Variants in DSCAM observed in about 807,000 individuals in gnomAD.
DSCAM encodes cell adhesion molecule DSCAM.
In DSCAM, 47 loss-of-function variants were observed where a neutral mutation model predicts 217.7. That is an observed-to-expected ratio of 0.22 (90% CI 0.17 to 0.28). The LOEUF (loss-of-function observed/expected upper bound fraction) is 0.28. Ranked by LOEUF, DSCAM falls within the 10% of genes least tolerant of loss-of-function variation. The probability of loss-of-function intolerance (pLI) is 1.00; values close to 1 mark genes in which losing one functional copy is unlikely to be tolerated. For missense variants in DSCAM, 2,080 were observed against 2,618.3 expected (o/e 0.79, Z 4.49); for synonymous variants, 1,056 against 1,015.3 (o/e 1.04, Z -0.76).
chr21:40,372,565 G>A (rs2074909413), intron 3 of DSCAM, among the ~76,000 whole-genome samples: 1 of 152,188 alleles, frequency 6.6e-6, no homozygotes, highest in South Asian at 2.1e-4. Context: ...TCAGTTACCA[G>A]AGGGATGTCT....
intron 3 of DSCAM, among the ~76,000 whole-genome samples, chr21:40,664,263 G>T (rs1362697010): frequency 6.6e-6 from 1 of 152,218 alleles, no homozygotes; most frequent in Non-Finnish European, 1.5e-5. Context: ...CATGGAAGGA[G>T]TAAGTGGGGA....
chr21:40,093,836 G>T lies in DSCAM; in HGVS notation c.3735C>A (p.Ser1245=). Residue 1245 remains serine, a synonymous_variant, in exon 21 of 33, where the codon TCC becomes TCA. Coordinates refer to ENST00000400454, the MANE Select transcript of DSCAM (RefSeq NM_001389.5). Reference sequence around the variant, plus strand: ...TCCTACTCAGGTTGGGAATTCTGTAGGAAAACGAGTCGGGAGAGGCCTCAA... The same window carrying T: ...TCCTACTCAGGTTGGGAATTCTGTATGAAAACGAGTCGGGAGAGGCCTCAA... ...SEFEASPDSF[S]YRIPNLSRNR... is the part of the protein sequence containing the mutation. 6.2e-7 allele frequency: 1 copy of T among 1,613,942 alleles called. No individual in the cohort carries two copies. The highest frequency in any genetic ancestry group is 8.5e-7 in the Non-Finnish European group (1 of 1,179,982).
chr21:40,683,566 T>A (rs772582679), intron 3 of DSCAM, among the ~76,000 whole-genome samples: 5 of 152,028 alleles, frequency 3.3e-5, no homozygotes, highest in Non-Finnish European at 7.4e-5. Context: ...CGGTAATTAC[T>A]AAAGAGAAGC....
At chr21:40,253,878 A>G (rs977374579) in intron 11 of DSCAM, among the ~76,000 whole-genome samples, 4 of 152,176 alleles carry the variant, frequency 2.6e-5, no homozygotes, top group African/African-American at 9.7e-5. Context: ...TAAGTATGGC[A>G]TTTTCCTGAA....
At chr21:40,134,894 A>C (rs1460395698) in intron 18 of DSCAM, among the ~76,000 whole-genome samples, 1 of 152,200 alleles carries the variant, frequency 6.6e-6, no homozygotes, top group Non-Finnish European at 1.5e-5. Context: ...AACTCCTCTC[A>C]GCTTCAATCC....
intron 2 of DSCAM, among the ~76,000 whole-genome samples, chr21:40,698,549 C>T (rs1342538743): frequency 6.6e-6 from 1 of 152,092 alleles, no homozygotes; most frequent in Non-Finnish European, 1.5e-5. Context: ...GGTGTGCCTG[C>T]CTAACAGGCG....
intron 9 of DSCAM, among the ~76,000 whole-genome samples, chr21:40,300,367 G>T (rs1208232973): frequency 1.3e-5 from 2 of 152,070 alleles, no homozygotes; most frequent in Non-Finnish European, 2.9e-5. Context: ...ATTATTTCTT[G>T]AAAATGTATC....
chr21:40,238,409 GT>G (rs1386801151), intron 11 of DSCAM, among the ~76,000 whole-genome samples: 4 of 152,234 alleles, frequency 2.6e-5, no homozygotes, highest in African/African-American at 9.6e-5. Context: ...CAAAGGCTCT[GT>G]GTTTTAAAAC....
chr21:40,840,969 T>A (rs1243622343), intron 1 of DSCAM, among the ~76,000 whole-genome samples: 1 of 152,168 alleles, frequency 6.6e-6, no homozygotes, highest in African/African-American at 2.4e-5. Flanking sequence ...TGTGCTCTGC[T>A]CTGTGCTAAG....
At chr21:40,112,643 A>G (rs1215195369) in intron 20 of DSCAM, among the ~76,000 whole-genome samples, 1 of 152,148 alleles carries the variant, frequency 6.6e-6, no homozygotes, top group South Asian at 2.1e-4. Flanking sequence ...TTTTTTGAAA[A>G]GATCAACAAA....
intron 1 of DSCAM, among the ~76,000 whole-genome samples, chr21:40,815,918 T>C (rs1236853326): frequency 6.6e-6 from 1 of 152,174 alleles, no homozygotes; most frequent in Non-Finnish European, 1.5e-5. Flanking sequence ...ATTTAGAAAG[T>C]GCTCAGTAGT....
At chr21:40,202,123 G>T (rs1279766458) in intron 11 of DSCAM, among the ~76,000 whole-genome samples, 2 of 152,188 alleles carry the variant, frequency 1.3e-5, no homozygotes, top group Non-Finnish European at 1.5e-5. Flanking sequence ...GGCCTATGGA[G>T]AGGACCATGA....
intron 3 of DSCAM, among the ~76,000 whole-genome samples, chr21:40,403,887 A>G (rs1443679766): frequency 6.6e-6 from 1 of 152,208 alleles, no homozygotes; most frequent in African/African-American, 2.4e-5. Context: ...TGAAGAAAAT[A>G]TCTTAGAAAA....
At chr21:40,526,244 C>A (rs1010240153) in intron 3 of DSCAM, among the ~76,000 whole-genome samples, 1 of 152,186 alleles carries the variant, frequency 6.6e-6, no homozygotes, top group Non-Finnish European at 1.5e-5. Context: ...CACACCTAAA[C>A]CCTCTGAGCA....
intron 3 of DSCAM, among the ~76,000 whole-genome samples, chr21:40,688,719 C>T (rs1031317164): frequency 5.3e-5 from 8 of 152,154 alleles, no homozygotes; most frequent in Non-Finnish European, 1.0e-4. Context: ...ATCCATCATA[C>T]CAGAGGGAAG....
At chr21:40,457,940 T>A (rs1330083368) in intron 3 of DSCAM, among the ~76,000 whole-genome samples, 1 of 152,190 alleles carries the variant, frequency 6.6e-6, no homozygotes, top group East Asian at 1.9e-4. Context: ...TGGCCCTTTA[T>A]GATGAGTAAG....
At chr21:40,123,313 A>T (rs1396308016) in intron 20 of DSCAM, among the ~76,000 whole-genome samples, 1 of 152,224 alleles carries the variant, frequency 6.6e-6, no homozygotes, top group Non-Finnish European at 1.5e-5. Flanking sequence ...TTTTACCAGA[A>T]AGGAAACAAA....
intron 3 of DSCAM, among the ~76,000 whole-genome samples, chr21:40,412,383 G>A (rs574062441): frequency 3.9e-4 from 59 of 152,304 alleles, no homozygotes; most frequent in African/African-American, 1.4e-3. Flanking sequence ...ACTCCCTAGA[G>A]CCTAGTTGAA....
chr21:40,382,686 C>A (rs1483997898), intron 3 of DSCAM, among the ~76,000 whole-genome samples: 1 of 152,192 alleles, frequency 6.6e-6, no homozygotes, highest in Non-Finnish European at 1.5e-5. Context: ...ACTCCACTGC[C>A]TTTTGGTTTC....
Sources: gnomAD v4.1 joint callset for allele counts (sites outside exome capture counted in the v4.1 genomes callset) on GRCh38, gnomAD v4.1.1 for gene constraint, MANE v1.5 for transcripts, NCBI Gene and HGNC (gene_info 2026-07-23, HGNC 2026-07-21) for gene names.